Variants in CCDC141 observed in about 807,000 individuals in gnomAD.
The protein encoded by CCDC141 is coiled-coil domain-containing protein 141.
CCDC141 carries 168 observed loss-of-function variants against 181.0 expected under a neutral mutation model. That is an observed-to-expected ratio of 0.93 (90% CI 0.82 to 1.05). The LOEUF is 1.05. Ranked by LOEUF, CCDC141 falls within the 50% of genes least tolerant of loss-of-function variation. The pLI is 0.00. For synonymous variants in CCDC141, 666 were observed against 642.3 expected (o/e 1.04, Z -0.56); for missense variants, 1,902 against 1,788.5 (o/e 1.06, Z -1.14).
chr2:178,993,407 G>A (rs575079111), intron 2 of CCDC141, among the ~76,000 whole-genome samples: 2 of 152,248 alleles, frequency 1.3e-5, no homozygotes, highest in Admixed American at 1.3e-4. Flanking sequence ...GGCAAAGAGG[G>A]CTTGTGTACG....
At chr2:178,864,456 C>G (rs79724489) in intron 17 of CCDC141, among the ~76,000 whole-genome samples, 1 of 152,146 alleles carries the variant, frequency 6.6e-6, no homozygotes, top group Non-Finnish European at 1.5e-5. Context: ...ATTACACTAC[C>G]GGTTCAACCC....
At chr2:178,871,069 C>T (rs1686099261) in intron 14 of CCDC141, among the ~76,000 whole-genome samples, 1 of 152,036 alleles carries the variant, frequency 6.6e-6, no homozygotes, top group African/African-American at 2.4e-5. Context: ...TCCGAGGTTG[C>T]CCATCCTTGT....
At position 179,015,077 on chromosome 2, in the gene CCDC141, T is replaced by G. The variant is rs1340790992; in HGVS notation, c.225+32207A>C. Among the ~76,000 whole-genome samples, 11 of 21,520 alleles carry G rather than the reference T, an allele frequency of 5.1e-4. 3 individuals carry two copies. The highest frequency in any genetic ancestry group is 1.4e-3 in the African/African-American group (9 of 6,408). 14.1% of individuals were successfully genotyped at this position (21,520 alleles called of 152,430 possible). A position where few individuals can be genotyped will look rare whatever the true frequency, so the allele number is the denominator to read the frequency against. On this transcript the variant is annotated intron_variant, in intron 2 of 23. Coordinates refer to ENST00000443758, the MANE Select transcript of CCDC141 (RefSeq NM_173648.4). The stretch of plus-strand genomic sequence containing the variant: ...TGTGAGAGAGACAGAGATATATATA[T>G]ATATATATATATATATATATATATA...
At chr2:179,047,504 A>G in intron 1 of CCDC141, 98 bp from the exon 2 acceptor site, 1 of 1,050,282 alleles carries the variant, frequency 9.5e-7, no homozygotes, top group Non-Finnish European at 1.3e-6. Context: ...TTCCAGTTAT[A>G]CTGTAAACAC....
intron 6 of CCDC141, among the ~76,000 whole-genome samples, chr2:178,932,490 A>G (rs1195031077): frequency 3.3e-5 from 5 of 152,212 alleles, no homozygotes; most frequent in Non-Finnish European, 7.4e-5. Flanking sequence ...GTTTGGTAAC[A>G]TGTAATCCTT....
chr2:178,984,051 A>G (rs1691582421), intron 2 of CCDC141, among the ~76,000 whole-genome samples: 1 of 152,080 alleles, frequency 6.6e-6, no homozygotes, highest in South Asian at 2.1e-4. Context: ...AAAAATGTTA[A>G]GGGCAGCCAG....
At chr2:178,999,430 C>T (rs1692423584) in intron 2 of CCDC141, among the ~76,000 whole-genome samples, 1 of 152,124 alleles carries the variant, frequency 6.6e-6, no homozygotes, top group South Asian at 2.1e-4. Flanking sequence ...AGCCTTTCAA[C>T]TTGTTCTCCT....
At chr2:178,903,975 C>T (rs1204943791) in intron 8 of CCDC141, among the ~76,000 whole-genome samples, 1 of 152,004 alleles carries the variant, frequency 6.6e-6, no homozygotes, top group African/African-American at 2.4e-5. Context: ...ACATGTACCC[C>T]GAGTCCAGGC....
intron 2 of CCDC141, among the ~76,000 whole-genome samples, chr2:179,011,695 C>G (rs1479805356): frequency 1.3e-5 from 2 of 152,110 alleles, no homozygotes; most frequent in Non-Finnish European, 1.5e-5. Context: ...GCACGTGGAA[C>G]TTTATCCAAG....
In CCDC141 at chr2:178,846,498, A is replaced by C. The variant is rs554224202; in HGVS notation, c.3358-756T>G. Among the ~76,000 whole-genome samples, 11 of 152,356 alleles carry C rather than the reference A, an allele frequency of 7.2e-5. No homozygotes were observed. The East Asian group carries it at 1.3e-3, about 19-fold the overall frequency. ...GAGTCTTAAACAAACATGCATGCTC[A>C]TCAAAATGCATATGCAACACTGGCT... On this transcript the variant is annotated intron_variant, in intron 21 of 23. Coordinates refer to ENST00000443758, the MANE Select transcript of CCDC141 (RefSeq NM_173648.4).
At chr2:178,850,239 C>G (rs1410567787) in intron 20 of CCDC141, 78 bp from the exon 21 acceptor site, 1 of 735,164 alleles carries the variant, frequency 1.4e-6, no homozygotes, top group Non-Finnish European at 2.4e-6. Flanking sequence ...AAATTCATCT[C>G]CCTGTCCAGT....
intron 7 of CCDC141, among the ~76,000 whole-genome samples, chr2:178,916,871 T>A (rs193034079): frequency 8.7e-4 from 133 of 152,200 alleles, no homozygotes; most frequent in Admixed American, 2.8e-3. Flanking sequence ...GAAACATAAA[T>A]TCTCTACTCC....
intron 5 of CCDC141, among the ~76,000 whole-genome samples, chr2:178,954,767 A>G (rs1181622845): frequency 6.6e-6 from 1 of 152,152 alleles, no homozygotes; most frequent in African/African-American, 2.4e-5. Flanking sequence ...TCATTAATGT[A>G]AAGATTGATA....
intron 11 of CCDC141, among the ~76,000 whole-genome samples, chr2:178,880,037 T>G (rs973149718): frequency 6.6e-6 from 1 of 152,220 alleles, no homozygotes; most frequent in Non-Finnish European, 1.5e-5. Flanking sequence ...AAACTACCGA[T>G]AGATGAGTCG....
At chr2:179,043,059 A>C (rs968679691) in intron 2 of CCDC141, among the ~76,000 whole-genome samples, 5 of 152,220 alleles carry the variant, frequency 3.3e-5, no homozygotes, top group African/African-American at 1.2e-4. Flanking sequence ...GACCCAACAG[A>C]AATACAAACA....
chr2:179,018,186 C>T (rs1335736378), intron 2 of CCDC141, among the ~76,000 whole-genome samples: 2 of 152,002 alleles, frequency 1.3e-5, no homozygotes, highest in East Asian at 1.9e-4. Context: ...AACTGCTATG[C>T]GGACCACAAA....
the CCDC141 span, chr2:178,817,805 C>CCTTCCTTCTTT: frequency 1.0e-4 from 27 of 261,846 alleles, no homozygotes; most frequent in African/African-American, 5.3e-4. Flanking sequence ...CTCCCTCCCT[C>CCTTCCTTCTTT]CCTCCCTCCC....
chr2:178,944,553 T>C lies in CCDC141; in HGVS notation c.879A>G (p.Glu293=), dbSNP rs541849180. The part of the protein sequence containing the change: ...DNEDRIHKQE[E]LIIKAKEWNS... The stretch of plus-strand genomic sequence containing the variant: ...CTCTTACCTTTGCTTTTATTATCAG[T>C]TCCTCTTGCTTATGAATTCGATCCT... Residue 293 remains glutamate (E), a synonymous_variant, in exon 6 of 24, where the codon GAA becomes GAG. Transcript: ENST00000443758. 6.6e-7 allele frequency: 1 copy of C among 1,516,896 alleles called. No individual in the cohort carries two copies. The highest frequency in any genetic ancestry group is 8.9e-7 in the Non-Finnish European group (1 of 1,123,980). The allele number at this position is 1,516,896 out of a possible 1,614,324, so 94.0% of individuals were successfully genotyped here. A position where few individuals can be genotyped will look rare whatever the true frequency, so the allele number is the denominator to read the frequency against.
At chr2:178,893,823 G>GCACACACA (rs34654821) in intron 8 of CCDC141, among the ~76,000 whole-genome samples, 26 of 141,892 alleles carry the variant, frequency 1.8e-4, no homozygotes, top group Admixed American at 1.1e-3. Context: ...ACACACACAC[G>GCACACACA]CACACACACA....
Sources: allele counts gnomAD v4.1 joint callset (sites outside exome capture counted in the v4.1 genomes callset), GRCh38; gene constraint gnomAD v4.1.1; transcripts MANE v1.5; gene names NCBI Gene and HGNC (gene_info 2026-07-23, HGNC 2026-07-21).